LMBR1: variants seen among roughly 807,000 people sequenced by gnomAD.
LMBR1 encodes the protein limb region 1 protein homolog.
In LMBR1, 52 loss-of-function variants were observed where a neutral mutation model predicts 73.9. The observed-to-expected ratio is 0.70, with a 90% CI of 0.56 to 0.89. LMBR1 has a LOEUF of 0.89. Ranked by LOEUF, LMBR1 falls within the 40% of genes least tolerant of loss-of-function variation. The pLI is 0.00. For synonymous variants in LMBR1, 215 were observed against 209.4 expected, an observed-to-expected ratio of 1.03 and a Z score of -0.23; for missense variants, 539 against 579.8, an observed-to-expected ratio of 0.93 and a Z score of 0.72.
intron 1 of LMBR1, 47 bp from the exon 2 acceptor site, chr7:156,836,932 T>C (rs1837739679): frequency 1.7e-6 from 2 of 1,196,228 alleles, no homozygotes. Flanking sequence ...TTGCATATCT[T>C]TTTTAAATAC....
intron 1 of LMBR1, among the ~76,000 whole-genome samples, chr7:156,837,568 T>G (rs1481879538): frequency 6.6e-6 from 1 of 152,058 alleles, no homozygotes; most frequent in Non-Finnish European, 1.5e-5. Flanking sequence ...ATTAAAACAT[T>G]ATCAAAAGCT....
intron 5 of LMBR1, among the ~76,000 whole-genome samples, chr7:156,791,312 A>G (rs1379902943): frequency 1.3e-5 from 2 of 152,180 alleles, no homozygotes; most frequent in Non-Finnish European, 2.9e-5. Context: ...CCAACAATTT[A>G]TGGATCATCA....
intron 1 of LMBR1, among the ~76,000 whole-genome samples, chr7:156,869,697 G>A (rs1365298390): frequency 6.6e-6 from 1 of 152,018 alleles, no homozygotes; most frequent in Non-Finnish European, 1.5e-5. Context: ...TTAAACTCTA[G>A]TAAAAGCCTG....
At position 156,740,174 on chromosome 7, in the gene LMBR1, A is replaced by C. The variant is rs371624794; in HGVS notation, c.758-5917T>G. 3.3e-5 allele frequency among the ~76,000 whole-genome samples: 5 copies of C among 152,212 alleles called. No homozygotes were observed. In the East Asian group the frequency reaches 9.7e-4, roughly 29 times the overall value. On this transcript the variant is annotated intron_variant, in intron 9 of 16. Transcript: ENST00000353442. ...GCAGAAGAAAGAACTGGTGAGCTTG[A>C]AGACAGGCTGTTTGAAAATACATAG...
intron 4 of LMBR1, among the ~76,000 whole-genome samples, chr7:156,826,011 C>T (rs1563462311): frequency 2.0e-5 from 3 of 152,214 alleles, no homozygotes. Flanking sequence ...TGGAGTTTCA[C>T]TCTTCTTGCC....
intron 3 of LMBR1, among the ~76,000 whole-genome samples, chr7:156,827,198 A>G (rs1377391750): frequency 6.6e-6 from 1 of 152,050 alleles, no homozygotes; most frequent in East Asian, 1.9e-4. Context: ...ATTTCAGAGG[A>G]AAAAAAACTT....
chr7:156,845,731 C>A (rs573961963), intron 1 of LMBR1, among the ~76,000 whole-genome samples: 2 of 151,952 alleles, frequency 1.3e-5, no homozygotes, highest in African/African-American at 2.4e-5. Context: ...TTTACTGCAG[C>A]CTTGAACTCC....
intron 15 of LMBR1, among the ~76,000 whole-genome samples, chr7:156,694,392 C>CA (rs112956102): frequency 0.07 from 10,707 of 152,190 alleles, 435 homozygotes; most frequent in East Asian, 0.15. Context: ...CTTGACCTCC[C>CA]AAAGTGCTGG....
intron 9 of LMBR1, among the ~76,000 whole-genome samples, chr7:156,750,297 CGT>C (rs60663497): frequency 1.1e-4 from 16 of 149,932 alleles, no homozygotes; most frequent in Admixed American, 3.3e-4. Context: ...TGTGTGTGTA[CGT>C]GTGTGTGTGT....
chr7:156,890,600 G>A (rs1239780718), intron 1 of LMBR1, among the ~76,000 whole-genome samples: 1 of 152,154 alleles, frequency 6.6e-6, no homozygotes, highest in Non-Finnish European at 1.5e-5. Context: ...AAATTCATTA[G>A]TTATCAGGAA....
At chr7:156,743,802 C>A (rs916046329) in intron 9 of LMBR1, among the ~76,000 whole-genome samples, 1 of 152,186 alleles carries the variant, frequency 6.6e-6, no homozygotes, top group African/African-American at 2.4e-5. Flanking sequence ...CCTAGCCCTA[C>A]AGGGATGCTT....
Position 156,827,764 on chromosome 7 carries a change from A to G in LMBR1, c.180-1020T>C, listed in dbSNP as rs191147607. On this transcript the variant is annotated intron_variant, in intron 3 of 16. Transcript: ENST00000353442. ...ACCCAAAAACACATCTAACAGAGAA[A>G]CTTTGAGGCCAATGCCATCTTGTGG... 3.6e-3 allele frequency among the ~76,000 whole-genome samples: 553 copies of G among 152,354 alleles called. 3 individuals are homozygous for G. Among genetic ancestry groups the G allele is most frequent in the African/African-American group, 0.012 (508 of 41,596 alleles).
In LMBR1 at chr7:156,779,765, A is replaced by T. The variant is rs139800663; in HGVS notation, c.424-15970T>A. 6.3e-4 allele frequency: 676 copies of T among 1,071,062 alleles called. No individual in the cohort carries two copies. In the African/African-American group the frequency reaches 9.9e-3, roughly 16 times the overall value. 66.3% of individuals were successfully genotyped at this position (1,071,062 alleles called of 1,614,324 possible). A position where few individuals can be genotyped will look rare whatever the true frequency, so the allele number is the denominator to read the frequency against. On this transcript the variant is annotated intron_variant, in intron 5 of 16. Transcript: ENST00000353442. Reference sequence around the variant, plus strand: ...GGATGTAAAAACCACTTCATACACTATGTCTCTACCCATTAGGAAGCCTGG... The same window carrying T: ...GGATGTAAAAACCACTTCATACACTTTGTCTCTACCCATTAGGAAGCCTGG...
chr7:156,839,716 C>G (rs1838303317), intron 1 of LMBR1, among the ~76,000 whole-genome samples: 1 of 152,162 alleles, frequency 6.6e-6, no homozygotes, highest in South Asian at 2.1e-4. Context: ...TGCCAAAGCT[C>G]TCCCAATACA....
At chr7:156,833,969 T>C (rs1837157170) in intron 2 of LMBR1, among the ~76,000 whole-genome samples, 177 bp from the exon 3 acceptor site, 1 of 152,212 alleles carries the variant, frequency 6.6e-6, no homozygotes, top group Admixed American at 6.5e-5. Flanking sequence ...TTAAATCAAG[T>C]AGTATGGTAT....
chr7:156,782,498 T>C (rs528560018), intron 5 of LMBR1, among the ~76,000 whole-genome samples: 28 of 152,326 alleles, frequency 1.8e-4, no homozygotes, highest in Non-Finnish European at 3.1e-4. Flanking sequence ...TGGGTTTGGC[T>C]AGTAGTCATC....
chr7:156,802,559 T>C (rs1831189914), intron 4 of LMBR1, among the ~76,000 whole-genome samples: 1 of 152,134 alleles, frequency 6.6e-6, no homozygotes, highest in Admixed American at 6.5e-5. Flanking sequence ...CAGTACAAAA[T>C]GAACAAAATT....
At chr7:156,842,963 C>T (rs1235789064) in intron 1 of LMBR1, among the ~76,000 whole-genome samples, 11 of 152,180 alleles carry the variant, frequency 7.2e-5, no homozygotes, top group Non-Finnish European at 1.3e-4. Flanking sequence ...CAGACTTCTA[C>T]CTTTCACCAC....
downstream of LMBR1, chr7:156,676,171 G>C: frequency 8.4e-7 from 1 of 1,197,178 alleles, no homozygotes; most frequent in South Asian, 1.6e-5. Flanking sequence ...GGAAGTTCCT[G>C]TTGGATGTTG....
Sources: allele counts gnomAD v4.1 joint callset (sites outside exome capture counted in the v4.1 genomes callset), GRCh38; gene constraint gnomAD v4.1.1; transcripts MANE v1.5; gene names NCBI Gene and HGNC (gene_info 2026-07-23, HGNC 2026-07-21).